SCHIP1: variants seen among roughly 807,000 people sequenced by gnomAD.
SCHIP1 encodes schwannomin-interacting protein 1.
Under a neutral mutation model 29.7 loss-of-function variants are expected in SCHIP1, and 8 were observed. That is an observed-to-expected ratio of 0.27 (90% CI 0.16 to 0.49). The LOEUF is 0.49. SCHIP1 is among the 20% of genes least tolerant of loss of function. The pLI is 0.99. For missense variants in SCHIP1, 193 were observed against 294.6 expected (o/e 0.66, Z 2.52); for synonymous variants, 76 against 94.9 (o/e 0.80, Z 1.16).
chr3:159,765,869 C>G, the SCHIP1 span: 1 of 152,126 alleles, frequency 6.6e-6, no homozygotes, highest in Admixed American at 6.5e-5. Flanking sequence ...AGTTTCTTCC[C>G]GGAGGCTACT....
the SCHIP1 span, among the ~76,000 whole-genome samples, chr3:159,487,473 G>C: frequency 6.6e-5 from 10 of 152,116 alleles, no homozygotes; most frequent in African/African-American, 2.4e-4. Flanking sequence ...CAGTGCAGGA[G>C]CAGCCACCCA....
At chr3:159,395,236 GTCTA>G in the SCHIP1 span, among the ~76,000 whole-genome samples, 21 of 152,100 alleles carry the variant, frequency 1.4e-4, no homozygotes, top group Admixed American at 5.9e-4. Context: ...CTTGCTAGCG[GTCTA>G]TCTATTTTGT....
the SCHIP1 span, among the ~76,000 whole-genome samples, chr3:159,704,904 CTTTA>C: frequency 0.16 from 10,850 of 69,224 alleles, 507 homozygotes; most frequent in East Asian, 0.39. Flanking sequence ...TTCTTTCTTT[CTTTA>C]TTTCTTTCTT....
chr3:159,806,339 C>T, the SCHIP1 span, among the ~76,000 whole-genome samples: 1 of 152,098 alleles, frequency 6.6e-6, no homozygotes, highest in Non-Finnish European at 1.5e-5. Context: ...AGAATGGGTT[C>T]TTCTTTGGTC....
chr3:159,359,256 A>G, the SCHIP1 span, among the ~76,000 whole-genome samples: 2 of 152,128 alleles, frequency 1.3e-5, no homozygotes, highest in African/African-American at 4.8e-5. Context: ...GACAAAGCAA[A>G]GAAAAATACA....
chr3:159,710,188 A>T, the SCHIP1 span, among the ~76,000 whole-genome samples: 1 of 152,214 alleles, frequency 6.6e-6, no homozygotes, highest in Non-Finnish European at 1.5e-5. Context: ...GAACCAACCT[A>T]AGTGACCATC....
At chr3:159,488,530 C>T in the SCHIP1 span, among the ~76,000 whole-genome samples, 10 of 151,928 alleles carry the variant, frequency 6.6e-5, no homozygotes, top group African/African-American at 1.7e-4. Context: ...GGGGATGGGA[C>T]ATGGGGACAG....
At chr3:159,424,692 G>T in the SCHIP1 span, among the ~76,000 whole-genome samples, 2 of 152,036 alleles carry the variant, frequency 1.3e-5, no homozygotes, top group African/African-American at 2.4e-5. Flanking sequence ...TACAGAGAAC[G>T]CCACAAAGAT....
chr3:159,565,629 A>G, the SCHIP1 span, among the ~76,000 whole-genome samples: 2 of 152,174 alleles, frequency 1.3e-5, no homozygotes, highest in African/African-American at 4.8e-5. Flanking sequence ...CTTTGTGTTT[A>G]CATGTGCTCA....
chr3:159,454,407 A>G, the SCHIP1 span, among the ~76,000 whole-genome samples: 156 of 152,234 alleles, frequency 1.0e-3, no homozygotes, highest in African/African-American at 3.3e-3. Context: ...CAACAAAGGC[A>G]AGTCCTGAAA....
At chr3:159,712,413 G>T in the SCHIP1 span, among the ~76,000 whole-genome samples, 3 of 152,184 alleles carry the variant, frequency 2.0e-5, no homozygotes, top group African/African-American at 7.2e-5. Flanking sequence ...CAATAAAGTT[G>T]ATGTCAAGAA....
At chr3:159,642,852 A>T in the SCHIP1 span, among the ~76,000 whole-genome samples, 3 of 152,010 alleles carry the variant, frequency 2.0e-5, no homozygotes, top group African/African-American at 4.8e-5. Context: ...AACAAAGGAG[A>T]GTGTCAGGTC....
intron 1 of SCHIP1, among the ~76,000 whole-genome samples, chr3:159,852,724 G>A (rs1287715491): frequency 3.9e-5 from 6 of 152,086 alleles, no homozygotes; most frequent in Non-Finnish European, 7.4e-5. Context: ...TTTCAGTCTC[G>A]TCCTGGAGCT....
the SCHIP1 span, among the ~76,000 whole-genome samples, chr3:159,559,387 A>G: frequency 1.6e-4 from 24 of 152,252 alleles, no homozygotes. Context: ...TACAACATGT[A>G]TCCACCATCT....
the SCHIP1 span, among the ~76,000 whole-genome samples, chr3:159,615,995 C>G: frequency 6.6e-6 from 1 of 152,172 alleles, no homozygotes; most frequent in Non-Finnish European, 1.5e-5. Flanking sequence ...GAGAGTCTAT[C>G]TGAGGCCTGC....
chr3:159,563,112 C>A, the SCHIP1 span, among the ~76,000 whole-genome samples: 2 of 152,142 alleles, frequency 1.3e-5, no homozygotes, highest in Non-Finnish European at 2.9e-5. Flanking sequence ...AAGAGGACTG[C>A]ATCTGCAGAT....
At chr3:159,453,411 C>T in the SCHIP1 span, among the ~76,000 whole-genome samples, 2 of 152,326 alleles carry the variant, frequency 1.3e-5, no homozygotes, top group South Asian at 2.1e-4. Flanking sequence ...TAAAAACCAT[C>T]ACCATCGGCA....
the SCHIP1 span, among the ~76,000 whole-genome samples, chr3:159,515,323 G>A: frequency 2.9e-4 from 44 of 152,022 alleles, no homozygotes; most frequent in Non-Finnish European, 4.7e-4. Context: ...ATCTATTTCC[G>A]TTTGTCCTTT....
the SCHIP1 span, among the ~76,000 whole-genome samples, chr3:159,697,068 T>C: frequency 6.6e-6 from 1 of 151,992 alleles, no homozygotes; most frequent in South Asian, 2.1e-4. Flanking sequence ...CCTTTTAGAG[T>C]GGTCACTGTG....
Sources: allele counts gnomAD v4.1 joint callset (sites outside exome capture counted in the v4.1 genomes callset), GRCh38; gene constraint gnomAD v4.1.1; transcripts MANE v1.5; gene names NCBI Gene and HGNC (gene_info 2026-07-23, HGNC 2026-07-21).